PRELID2: variants seen among roughly 807,000 people sequenced by gnomAD.
PRELID2 encodes the protein PRELI domain-containing protein 2.
PRELID2 carries 25 observed loss-of-function variants against 28.4 expected under a neutral mutation model. That is an observed-to-expected ratio of 0.88 (90% confidence interval 0.64 to 1.23). The LOEUF (loss-of-function observed/expected upper bound fraction) is 1.23, where lower values mean the gene tolerates loss of function less well. Among genes scored for constraint, PRELID2 ranks in the 50% most tolerant of loss-of-function variants. PRELID2 has a pLI of 0.00. For synonymous variants in PRELID2, 76 were observed against 71.6 expected, an observed-to-expected ratio of 1.06 and a Z score of -0.31; for missense variants, 201 against 214.4, an observed-to-expected ratio of 0.94 and a Z score of 0.39.
chr5:145,650,831 C>A (rs537065985), intron 1 of PRELID2, among the ~76,000 whole-genome samples: 2 of 151,884 alleles, frequency 1.3e-5, no homozygotes, highest in Non-Finnish European at 2.9e-5. Context: ...CCAGTGTGAG[C>A]GATGCAGAAG....
At chr5:145,274,903 T>C in the PRELID2 span, among the ~76,000 whole-genome samples, 1 of 152,238 alleles carries the variant, frequency 6.6e-6, no homozygotes, top group East Asian at 1.9e-4. Flanking sequence ...AAGCTAGAAG[T>C]CTGAGATCAA....
intron 4 of PRELID2, among the ~76,000 whole-genome samples, chr5:145,799,020 A>G (rs2149822397): frequency 6.7e-6 from 1 of 149,500 alleles, no homozygotes; most frequent in Non-Finnish European, 1.5e-5. Context: ...CTTAAAGTAT[A>G]ATAAAATATA....
At chr5:145,624,965 C>T (rs958172310) in intron 1 of PRELID2, among the ~76,000 whole-genome samples, 1 of 152,072 alleles carries the variant, frequency 6.6e-6, no homozygotes, top group Non-Finnish European at 1.5e-5. Flanking sequence ...GCAAATGTCC[C>T]ATAATCATAA....
At chr5:145,418,390 T>C in the PRELID2 span, among the ~76,000 whole-genome samples, 1 of 152,094 alleles carries the variant, frequency 6.6e-6, no homozygotes, top group African/African-American at 2.4e-5. Context: ...AAAAAAACTA[T>C]TTTAAAATTC....
intron 1 of PRELID2, among the ~76,000 whole-genome samples, chr5:145,670,275 G>A (rs1180212570): frequency 6.6e-6 from 1 of 152,058 alleles, no homozygotes; most frequent in Non-Finnish European, 1.5e-5. Flanking sequence ...AAGGGGAGGA[G>A]AGTGCCAGGC....
At chr5:145,817,198 A>AAAAATAT (rs1365517052) in intron 4 of PRELID2, among the ~76,000 whole-genome samples, 2 of 70,096 alleles carry the variant, frequency 2.9e-5, no homozygotes, top group African/African-American at 4.3e-5. Flanking sequence ...TTCAAAAAAA[A>AAAAATAT]ATAAATAAAT....
chr5:145,572,865 C>A (rs1753026376), intron 1 of PRELID2, among the ~76,000 whole-genome samples: 1 of 152,176 alleles, frequency 6.6e-6, no homozygotes, highest in Admixed American at 6.5e-5. Flanking sequence ...GTTAGTTCCT[C>A]TCTTAGCAGA....
At chr5:145,766,377 G>T (rs1220238413) in intron 5 of PRELID2, among the ~76,000 whole-genome samples, 1 of 152,162 alleles carries the variant, frequency 6.6e-6, no homozygotes, top group Non-Finnish European at 1.5e-5. Flanking sequence ...ATTAGGCAGG[G>T]CTGTGAACAC....
intron 1 of PRELID2, among the ~76,000 whole-genome samples, chr5:145,685,936 T>C (rs1366352175): frequency 6.6e-6 from 1 of 152,208 alleles, no homozygotes; most frequent in African/African-American, 2.4e-5. Flanking sequence ...AAAAGCTGCT[T>C]GACTTCTCTG....
chr5:145,291,208 G>A, the PRELID2 span, among the ~76,000 whole-genome samples: 6 of 151,614 alleles, frequency 4.0e-5, no homozygotes, highest in Non-Finnish European at 8.8e-5. Flanking sequence ...CCTGTGTCAG[G>A]TGACTGTAAC....
chr5:145,691,695 GC>G (rs1174960395), intron 1 of PRELID2, among the ~76,000 whole-genome samples: 1 of 152,026 alleles, frequency 6.6e-6, no homozygotes, highest in Non-Finnish European at 1.5e-5. Flanking sequence ...TCCAGCCTGG[GC>G]GACAGAGTGA....
the PRELID2 span, among the ~76,000 whole-genome samples, chr5:145,442,271 A>G: frequency 6.6e-6 from 1 of 152,114 alleles, no homozygotes. Context: ...TGTGAGTTGT[A>G]TGAGAGCAAG....
chr5:145,480,360 G>A (rs1463923259), intron 1 of PRELID2, among the ~76,000 whole-genome samples: 5 of 151,952 alleles, frequency 3.3e-5, no homozygotes, highest in Non-Finnish European at 7.4e-5. Flanking sequence ...TTGGGTTGTG[G>A]GTTTTTGCTT....
chr5:145,615,196 G>C (rs1319125481), intron 1 of PRELID2, among the ~76,000 whole-genome samples: 1 of 151,938 alleles, frequency 6.6e-6, no homozygotes, highest in Non-Finnish European at 1.5e-5. Context: ...TTGCTTTAAA[G>C]TTTGTTTTGT....
the PRELID2 span, among the ~76,000 whole-genome samples, chr5:145,407,356 C>A: frequency 6.6e-6 from 1 of 152,090 alleles, no homozygotes; most frequent in Admixed American, 6.5e-5. Flanking sequence ...ACTTCTGTGG[C>A]AACCTATATG....
At chr5:145,629,959 CTA>C (rs1396585934) in intron 1 of PRELID2, among the ~76,000 whole-genome samples, 1 of 152,080 alleles carries the variant, frequency 6.6e-6, no homozygotes. Context: ...GAGCAGGGTC[CTA>C]ACTGTGAAGG....
At chr5:145,729,930 G>A (rs961404480) in intron 1 of PRELID2, among the ~76,000 whole-genome samples, 2 of 152,232 alleles carry the variant, frequency 1.3e-5, no homozygotes, top group African/African-American at 2.4e-5. Context: ...AACAGGTGGT[G>A]AGAATGTGGG....
chr5:145,343,735 T>G, the PRELID2 span, among the ~76,000 whole-genome samples: 12 of 151,458 alleles, frequency 7.9e-5, no homozygotes, highest in Non-Finnish European at 1.2e-4. Flanking sequence ...AATTAGTGAT[T>G]TGAAAAGATA....
intron 4 of PRELID2, among the ~76,000 whole-genome samples, chr5:145,798,243 C>T (rs1256926579): frequency 6.6e-6 from 1 of 152,040 alleles, no homozygotes; most frequent in Non-Finnish European, 1.5e-5. Flanking sequence ...AAGACATCAT[C>T]AAACAGATCA....
Sources: gnomAD v4.1 joint callset for allele counts (sites outside exome capture counted in the v4.1 genomes callset) on GRCh38, gnomAD v4.1.1 for gene constraint, MANE v1.5 for transcripts, NCBI Gene and HGNC (gene_info 2026-07-23, HGNC 2026-07-21) for gene names.